Variants in BRI3BP observed in about 807,000 individuals in gnomAD.
BRI3BP encodes BRI3 binding protein.
Under a neutral mutation model 15.8 loss-of-function variants are expected in BRI3BP, and 7 were observed. The observed-to-expected ratio is 0.44, with a 90% CI of 0.25 to 0.83. The LOEUF is 0.83. Among genes scored for constraint, BRI3BP ranks in the 40% least tolerant of loss-of-function variants. BRI3BP has a pLI of 0.20. For missense variants in BRI3BP, 320 were observed against 339.3 expected (o/e 0.94, Z 0.45); for synonymous variants, 192 against 163.5 (o/e 1.17, Z -1.33).
the BRI3BP span, among the ~76,000 whole-genome samples, chr12:125,045,980 C>G: frequency 6.6e-6 from 1 of 151,596 alleles, no homozygotes; most frequent in African/African-American, 2.4e-5. Flanking sequence ...GCCTGGCCAA[C>G]ATGGTGAAAC....
downstream of BRI3BP, among the ~76,000 whole-genome samples, chr12:125,031,574 ATTTTTTTTTTTTTT>A (rs367625363): frequency 5.3e-4 from 45 of 84,200 alleles, no homozygotes; most frequent in East Asian, 0.011. Context: ...TTTTCTTTCT[ATTTTTTTTTTTTTT>A]TTTTTTTTTT....
At chr12:125,018,685 TTTTTC>T (rs1272548015) in intron 2 of BRI3BP, among the ~76,000 whole-genome samples, 1 of 151,224 alleles carries the variant, frequency 6.6e-6, no homozygotes, top group Non-Finnish European at 1.5e-5. Flanking sequence ...TTTTTTTTTT[TTTTTC>T]TTTTCTTGAG....
rs1208462521 is a variant in BRI3BP, at chr12:125,026,948, T to C, written c.*1518T>C. 1 of 142,036 alleles carries C rather than the reference T, an allele frequency of 7.0e-6. No individual in the cohort carries two copies. The highest frequency in any genetic ancestry group is 1.5e-5 in the Non-Finnish European group (1 of 65,158). The allele number at this position is 142,036 out of a possible 1,614,324, so 8.8% of individuals were successfully genotyped here. A position where few individuals can be genotyped will look rare whatever the true frequency, so the allele number is the denominator to read the frequency against. ...GCCTAGGCAACAGAGCAAGACTTCATCTTAAAAAAAAAAAAAAAAGCCCAG... is the reference window on the plus strand; with the variant it reads ...GCCTAGGCAACAGAGCAAGACTTCACCTTAAAAAAAAAAAAAAAAGCCCAG... On this transcript the variant is annotated 3_prime_UTR_variant, in exon 3 of 3. Transcript: ENST00000341446.
chr12:125,049,645 G>A, the BRI3BP span, among the ~76,000 whole-genome samples: 1 of 152,198 alleles, frequency 6.6e-6, no homozygotes, highest in African/African-American at 2.4e-5. Flanking sequence ...GCTAAGCTCC[G>A]ATTGGGCACG....
At chr12:124,999,302 G>A (rs1205098881) in intron 1 of BRI3BP, among the ~76,000 whole-genome samples, 5 of 152,090 alleles carry the variant, frequency 3.3e-5, no homozygotes, top group Non-Finnish European at 1.5e-5. Flanking sequence ...CTACCGACCC[G>A]TCTACCACCC....
At chr12:125,017,170 C>T (rs1261371932) in intron 2 of BRI3BP, among the ~76,000 whole-genome samples, 1 of 151,942 alleles carries the variant, frequency 6.6e-6, no homozygotes, top group Non-Finnish European at 1.5e-5. Context: ...CAGGCACCTG[C>T]CACCATGCCT....
At chr12:125,019,635 C>CTTTTTTTTTTTTTT (rs1205730966) in intron 2 of BRI3BP, among the ~76,000 whole-genome samples, 1 of 33,056 alleles carries the variant, frequency 3.0e-5, no homozygotes, top group African/African-American at 8.3e-5. Flanking sequence ...TAATTCCACC[C>CTTTTTTTTTTTTTT]TTTTTTTTTT....
chr12:125,004,367 G>A (rs1176632103), intron 1 of BRI3BP, among the ~76,000 whole-genome samples: 1 of 151,946 alleles, frequency 6.6e-6, no homozygotes. Flanking sequence ...ACAGTGTCTG[G>A]CCATGTTGCC....
chr12:124,994,144 G>C (rs1955020434), intron 1 of BRI3BP, 141 bp downstream of exon 1: 1 of 511,336 alleles, frequency 2.0e-6, no homozygotes, highest in Admixed American at 5.5e-5. Flanking sequence ...CCTGCGCCTC[G>C]GGGCCTGCCG....
chr12:125,039,992 G>C, the BRI3BP span, among the ~76,000 whole-genome samples: 1 of 152,126 alleles, frequency 6.6e-6, no homozygotes, highest in Non-Finnish European at 1.5e-5. Context: ...GGCTGGGTAC[G>C]GTGGCTCATG....
At chr12:124,999,406 T>G (rs986586305) in intron 1 of BRI3BP, among the ~76,000 whole-genome samples, 3 of 152,086 alleles carry the variant, frequency 2.0e-5, no homozygotes, top group African/African-American at 7.2e-5. Context: ...TTTTGCACTA[T>G]GCGCACTGTT....
chr12:125,003,952 C>CAA (rs56663142), intron 1 of BRI3BP, among the ~76,000 whole-genome samples: 23 of 100,200 alleles, frequency 2.3e-4, no homozygotes, highest in Admixed American at 4.4e-4. Flanking sequence ...GACTCCATCT[C>CAA]AAAAACACAC....
intron 2 of BRI3BP, among the ~76,000 whole-genome samples, chr12:125,017,149 A>G (rs1339500002): frequency 6.6e-6 from 1 of 151,188 alleles, no homozygotes; most frequent in Non-Finnish European, 1.5e-5. Context: ...TCTCCCGAGT[A>G]GCTGGGATTA....
chr12:125,000,406 C>G (rs1018051818), intron 1 of BRI3BP, among the ~76,000 whole-genome samples: 2 of 150,506 alleles, frequency 1.3e-5, no homozygotes. Flanking sequence ...CTCTGCCTCC[C>G]GGGTTCACAC....
At chr12:125,011,798 T>C (rs1200762949) in intron 1 of BRI3BP, among the ~76,000 whole-genome samples, 2 of 152,100 alleles carry the variant, frequency 1.3e-5, no homozygotes, top group South Asian at 2.1e-4. Flanking sequence ...GGAGGGCAAA[T>C]AAAGACCTCA....
At chr12:125,035,013 C>T (rs80008486), downstream of BRI3BP, among the ~76,000 whole-genome samples, 179 of 152,272 alleles carry the variant, frequency 1.2e-3, 1 homozygote, top group African/African-American at 4.2e-3. Context: ...TTGCCCTTAT[C>T]AATAGTTCAC....
chr12:125,043,808 A>G, the BRI3BP span, among the ~76,000 whole-genome samples: 1 of 152,148 alleles, frequency 6.6e-6, no homozygotes, highest in Non-Finnish European at 1.5e-5. Context: ...ATGAGCCAAG[A>G]TCGCAACACT....
At chr12:125,023,198 T>C (rs977990955) in intron 2 of BRI3BP, among the ~76,000 whole-genome samples, 3 of 152,176 alleles carry the variant, frequency 2.0e-5, no homozygotes, top group East Asian at 1.9e-4. Flanking sequence ...TTCCCTCTTA[T>C]ATGAAAGTTC....
chr12:125,037,811 CAAAAA>C, the BRI3BP span, among the ~76,000 whole-genome samples: 13 of 80,204 alleles, frequency 1.6e-4, no homozygotes, highest in African/African-American at 3.2e-4. Context: ...GACTCTGTCT[CAAAAA>C]AAAAAAAAAA....
Sources: allele counts gnomAD v4.1 joint callset (sites outside exome capture counted in the v4.1 genomes callset), GRCh38; gene constraint gnomAD v4.1.1; transcripts MANE v1.5; gene names NCBI Gene and HGNC (gene_info 2026-07-23, HGNC 2026-07-21).